Variants in DUSP3 observed in about 807,000 individuals in gnomAD.
DUSP3 encodes dual specificity protein phosphatase 3.
A neutral mutation model predicts 15.5 loss-of-function variants in DUSP3; 7 were observed. The ratio of observed to expected loss-of-function variants is 0.45; its 90% CI spans 0.26 to 0.85. The LOEUF (loss-of-function observed/expected upper bound fraction) is 0.85. Among genes scored for constraint, DUSP3 ranks in the 40% least tolerant of loss-of-function variants. The pLI, the probability that DUSP3 is intolerant of heterozygous loss-of-function variation, is 0.18. For synonymous variants in DUSP3, 86 were observed against 104.2 expected (o/e 0.83, Z 1.07); for missense variants, 209 against 251.7 (o/e 0.83, Z 1.15).
intron 1 of DUSP3, 55 bp downstream of exon 1, chr17:43,778,745 G>A (rs944751613): frequency 6.9e-7 from 1 of 1,447,938 alleles, no homozygotes. Flanking sequence ...CCAGCCTCGG[G>A]TGGGCGGGGC....
intron 2 of DUSP3, among the ~76,000 whole-genome samples, chr17:43,773,528 A>G (rs1598301381): frequency 6.6e-6 from 1 of 152,160 alleles, no homozygotes; most frequent in African/African-American, 2.4e-5. Flanking sequence ...AAGTGGCTGG[A>G]AGATTTGGCC....
intron 1 of DUSP3, chr17:43,777,676 G>C: frequency 2.5e-6 from 1 of 396,478 alleles, no homozygotes; most frequent in South Asian, 1.8e-5. Flanking sequence ...TTGGTAACTG[G>C]GTCCTCAGAG....
rs3200241 is a variant in DUSP3 at position 43,766,891 on chromosome 17, G to C, written c.*2718C>G. ...AAAGAAAGGGAACAGGTCTGGGGAGGGGGTAAGGGCACCCTGAGTTCCTGT... is the reference window on the plus strand; with the variant it reads ...AAAGAAAGGGAACAGGTCTGGGGAGCGGGTAAGGGCACCCTGAGTTCCTGT... On this transcript the variant is annotated 3_prime_UTR_variant, in exon 3 of 3. Transcript: ENST00000226004. 0.033 allele frequency: 5,067 copies of C among 152,228 alleles called. 108 individuals are homozygous for C. The highest frequency in any genetic ancestry group is 0.054 in the Non-Finnish European group (3,707 of 68,036). The allele number at this position is 152,228 out of a possible 1,614,324, so 9.4% of individuals were successfully genotyped here. A position where few individuals can be genotyped will look rare whatever the true frequency, so the allele number is the denominator to read the frequency against.
chr17:43,775,004 G>A, intron 1 of DUSP3, 66 bp from the exon 2 acceptor site: 1 of 1,531,424 alleles, frequency 6.5e-7, no homozygotes, highest in East Asian at 2.2e-5. Flanking sequence ...GAGGAAGATG[G>A]AGAAGGATTT....
intron 2 of DUSP3, among the ~76,000 whole-genome samples, chr17:43,770,330 G>A (rs1363595552): frequency 6.6e-6 from 1 of 152,182 alleles, no homozygotes; most frequent in Non-Finnish European, 1.5e-5. Flanking sequence ...AGCCCACAGA[G>A]TAGGAAAGCG....
chr17:43,777,575 A>G (rs1244126726), intron 1 of DUSP3: 1 of 455,650 alleles, frequency 2.2e-6, no homozygotes, highest in Admixed American at 2.4e-5. Flanking sequence ...ACACACTCTG[A>G]GCCACCATTT....
At chr17:43,772,864 A>G (rs1317158245) in intron 2 of DUSP3, among the ~76,000 whole-genome samples, 3 of 152,134 alleles carry the variant, frequency 2.0e-5, no homozygotes, top group Non-Finnish European at 4.4e-5. Flanking sequence ...TTTTCAGACT[A>G]AAGACCCAGC....
intron 1 of DUSP3, among the ~76,000 whole-genome samples, chr17:43,778,580 G>T (rs1974420034): frequency 6.6e-6 from 1 of 152,148 alleles, no homozygotes; most frequent in Admixed American, 6.5e-5. Context: ...CCCGCCACGG[G>T]GAAGGGCCGC....
In DUSP3 at chr17:43,767,410, G is replaced by A. The variant is rs767959894; in HGVS notation, c.*2199C>T. On this transcript the variant is annotated 3_prime_UTR_variant, in exon 3 of 3. Transcript: ENST00000226004. ...TCACTTGCTTCTCCGGGGCTGGATT[G>A]AGGGTAAGTGCAGTACACCTGGAGA... The A allele has an allele frequency of 6.5e-6, 1 of 152,706 alleles. No homozygotes were observed. Among genetic ancestry groups the A allele is most frequent in the Non-Finnish European group, 1.5e-5 (1 of 68,112 alleles). 9.5% of individuals were successfully genotyped at this position (152,706 alleles called of 1,614,324 possible).
chr17:43,769,786 A>G lies in DUSP3; in HGVS notation c.381T>C (p.Gly127=). 1 of 1,613,960 alleles carries G rather than the reference A, an allele frequency of 6.2e-7. No homozygotes were observed. Among genetic ancestry groups the G allele is most frequent in the Admixed American group, 1.7e-5 (1 of 59,990 alleles). The part of the protein sequence containing the change: ...NGRVLVHCRE[G]YSRSPTLVIA... ...TAACTAGCGTTGGGGAGCGGCTATAACCTTCCCGGCAGTGGACGAGCACCC... is the reference window on the plus strand; with the variant it reads ...TAACTAGCGTTGGGGAGCGGCTATAGCCTTCCCGGCAGTGGACGAGCACCC... The change falls in exon 3 of 3, where the codon GGT becomes GGC. Residue 127 remains glycine, a synonymous_variant. Coordinates refer to ENST00000226004, the MANE Select transcript of DUSP3 (RefSeq NM_004090.4).
intron 1 of DUSP3, chr17:43,778,454 C>T: frequency 5.5e-6 from 1 of 180,294 alleles, no homozygotes. Context: ...AGGAGACCGG[C>T]CGGGCGACCG....
intron 1 of DUSP3, among the ~76,000 whole-genome samples, chr17:43,776,215 G>C (rs1974386061): frequency 6.6e-6 from 1 of 152,228 alleles, no homozygotes; most frequent in South Asian, 2.1e-4. Context: ...CCAAATAGCA[G>C]TTTATACTTT....
At chr17:43,776,766 C>G (rs1974393119) in intron 1 of DUSP3, among the ~76,000 whole-genome samples, 1 of 152,214 alleles carries the variant, frequency 6.6e-6, no homozygotes, top group African/African-American at 2.4e-5. Flanking sequence ...CCAACCTGCC[C>G]AAGCAAGCGG....
At position 43,769,788 on chromosome 17, in the gene DUSP3, C is replaced by T; in HGVS notation, c.379G>A (p.Gly127Ser). The T allele has an allele frequency of 6.2e-7, 1 of 1,614,100 alleles. No homozygotes were observed. The highest frequency in any genetic ancestry group is 8.5e-7 in the Non-Finnish European group (1 of 1,180,022). Residue 127 changes from glycine to serine, a missense_variant, in exon 3 of 3, where the codon GGT becomes AGT. By Grantham distance (56) the Gly-to-Ser change is moderately conservative. Transcript: ENST00000226004. ...NGRVLVHCRE[G>S]YSRSPTLVIA... The stretch of plus-strand genomic sequence containing the variant: ...ACTAGCGTTGGGGAGCGGCTATAAC[C>T]TTCCCGGCAGTGGACGAGCACCCGG...
intron 2 of DUSP3, among the ~76,000 whole-genome samples, chr17:43,772,041 T>A (rs1051207509): frequency 6.7e-6 from 1 of 149,218 alleles, no homozygotes. Context: ...GCAAGAAATG[T>A]GGGGCATTGA....
At chr17:43,778,439 C>T in intron 1 of DUSP3, 2 of 171,112 alleles carry the variant, frequency 1.2e-5, no homozygotes, top group Non-Finnish European at 1.2e-5. Context: ...ACATGACGCG[C>T]GGGCAGGAGA....
chr17:43,770,650 ACT>A (rs1291567316), intron 2 of DUSP3, among the ~76,000 whole-genome samples: 1 of 149,288 alleles, frequency 6.7e-6, no homozygotes, highest in Non-Finnish European at 1.5e-5. Flanking sequence ...ACAGAGCGAG[ACT>A]CTGTCTCAAA....
In DUSP3 at chr17:43,767,336, C is replaced by T. The variant is rs1388044672; in HGVS notation, c.*2273G>A. On this transcript the variant is annotated 3_prime_UTR_variant, in exon 3 of 3. Coordinates refer to ENST00000226004, the MANE Select transcript of DUSP3 (RefSeq NM_004090.4). The stretch of plus-strand genomic sequence containing the variant: ...AGCTCTACTTCGGGGTGCTACATCC[C>T]ACCTGGAGAAAGAGCTGCACATTCT... The T allele has an allele frequency of 6.6e-6, 1 of 152,644 alleles. No individual in the cohort carries two copies. Among genetic ancestry groups the T allele is most frequent in the Non-Finnish European group, 1.5e-5 (1 of 68,106 alleles). 9.5% of individuals were successfully genotyped at this position (152,644 alleles called of 1,614,324 possible). A position where few individuals can be genotyped will look rare whatever the true frequency, so the allele number is the denominator to read the frequency against.
At chr17:43,778,287 G>C (rs1474913935) in intron 1 of DUSP3, 1 of 152,740 alleles carries the variant, frequency 6.5e-6, no homozygotes, top group African/African-American at 2.4e-5. Flanking sequence ...CCCCGGACTC[G>C]CTCATTTGGG....
Sources: gnomAD v4.1 joint callset for allele counts (sites outside exome capture counted in the v4.1 genomes callset) on GRCh38, gnomAD v4.1.1 for gene constraint, MANE v1.5 for transcripts, NCBI Gene and HGNC (gene_info 2026-07-23, HGNC 2026-07-21) for gene names.